Variants in DMD observed in about 807,000 individuals in gnomAD.
The protein encoded by DMD is mutant dystrophin.
DMD carries 63 observed loss-of-function variants against 330.1 expected under a neutral mutation model. The observed-to-expected ratio is 0.19, with a 90% CI of 0.16 to 0.24. The LOEUF is 0.24. Among genes scored for constraint, DMD ranks in the 10% least tolerant of loss-of-function variants. The probability of loss-of-function intolerance (pLI) is 1.00; values close to 1 mark genes in which losing one functional copy is unlikely to be tolerated. For missense variants in DMD, 3,344 were observed against 2,684.1 expected, an observed-to-expected ratio of 1.25 and a Z score of -5.43; for synonymous variants, 1,223 against 959.8, an observed-to-expected ratio of 1.27 and a Z score of -5.07.
intron 43 of DMD, among the ~76,000 whole-genome samples, chrX:32,242,286 G>A (rs973714962): frequency 9.0e-6 from 1 of 111,353 alleles, no homozygotes; most frequent in Non-Finnish European, 1.9e-5. Flanking sequence ...CAACCAACAA[G>A]GATCACTCTG....
chrX:32,612,067 T>C (rs890895434), intron 12 of DMD, among the ~76,000 whole-genome samples: 4 of 110,688 alleles, frequency 3.6e-5, no homozygotes, highest in Non-Finnish European at 5.7e-5. Context: ...AACAAATAAA[T>C]GGTTTATTTG....
intron 45 of DMD, among the ~76,000 whole-genome samples, chrX:31,938,991 A>T (rs939916863): frequency 9.0e-6 from 1 of 111,536 alleles, no homozygotes; most frequent in Non-Finnish European, 1.9e-5. Context: ...AGCCTCCAAA[A>T]TAAGCATAAA....
intron 1 of DMD, chrX:33,127,921 A>C: frequency 1.5e-6 from 1 of 651,065 alleles, no homozygotes; most frequent in Non-Finnish European, 2.1e-6. Context: ...AGTGATTTGC[A>C]TTATCCTATA....
intron 44 of DMD, among the ~76,000 whole-genome samples, chrX:32,173,066 G>GGTGTGTGT (rs3040089): frequency 0.04 from 3,608 of 89,552 alleles, 111 homozygotes; most frequent in African/African-American, 0.078. Flanking sequence ...ACCTGATTTT[G>GGTGTGTGT]GTGTGTGTGT....
chrX:32,005,370 G>A (rs1057122259), intron 44 of DMD, among the ~76,000 whole-genome samples: 27 of 110,739 alleles, frequency 2.4e-4, no homozygotes, highest in African/African-American at 8.5e-4. Flanking sequence ...AGACCACGCG[G>A]GCCAAAAGCT....
intron 7 of DMD, among the ~76,000 whole-genome samples, chrX:32,799,058 T>C: frequency 9.0e-6 from 1 of 111,662 alleles, no homozygotes; most frequent in East Asian, 2.8e-4. Flanking sequence ...AAATTCTATG[T>C]ATCTTTCCAT....
intron 41 of DMD, among the ~76,000 whole-genome samples, chrX:32,316,838 T>C (rs1315984873): frequency 1.8e-5 from 2 of 111,269 alleles, no homozygotes; most frequent in Non-Finnish European, 3.8e-5. Flanking sequence ...ATAGCATTCC[T>C]ATTGACACAG....
At chrX:33,039,664 C>T (rs1443285882) in intron 1 of DMD, among the ~76,000 whole-genome samples, 1 of 110,911 alleles carries the variant, frequency 9.0e-6, no homozygotes, top group Admixed American at 9.7e-5. Flanking sequence ...TCTACTACGG[C>T]CTTTCTCTAA....
At chrX:32,497,422 T>C (rs2043610311) in intron 19 of DMD, among the ~76,000 whole-genome samples, 1 of 111,987 alleles carries the variant, frequency 8.9e-6, no homozygotes, top group African/African-American at 3.2e-5. Flanking sequence ...GACTCTTAAT[T>C]AACACACAGA....
intron 44 of DMD, among the ~76,000 whole-genome samples, chrX:32,161,574 A>C (rs7883249): frequency 6.3e-5 from 7 of 111,413 alleles, no homozygotes; most frequent in Admixed American, 2.9e-4. Flanking sequence ...GCACTTAATA[A>C]ACTCTCAATA....
At chrX:31,374,945 T>C (rs1452155994) in intron 60 of DMD, among the ~76,000 whole-genome samples, 1 of 111,721 alleles carries the variant, frequency 9.0e-6, no homozygotes, top group Non-Finnish European at 1.9e-5. Context: ...TGCTGCCTTA[T>C]TGGCTGCTGG....
intron 13 of DMD, 33 bp from the exon 14 acceptor site, chrX:32,573,879 A>C (rs1251386931): frequency 8.9e-7 from 1 of 1,120,470 alleles, no homozygotes; most frequent in African/African-American, 1.8e-5. Context: ...CAGCATCAGC[A>C]AACAATTGGT....
chrX:31,320,725 A>T (rs952432638), intron 62 of DMD, among the ~76,000 whole-genome samples: 2 of 112,337 alleles, frequency 1.8e-5, no homozygotes, highest in African/African-American at 6.5e-5. Context: ...TTTTATAAAC[A>T]TGTATGTTTT....
chrX:32,889,074 G>C (rs2149249015), intron 2 of DMD, among the ~76,000 whole-genome samples: 1 of 110,706 alleles, frequency 9.0e-6, no homozygotes, highest in South Asian at 3.9e-4. Flanking sequence ...CACCACAACA[G>C]AGAAGGTTGG....
intron 51 of DMD, among the ~76,000 whole-genome samples, chrX:31,737,244 A>G (rs768786792): frequency 1.8e-5 from 2 of 112,407 alleles, no homozygotes; most frequent in Admixed American, 9.4e-5. Flanking sequence ...CAAGGTACTC[A>G]TGTCATAGTA....
At chrX:31,689,536 C>T (rs2082956396) in intron 52 of DMD, among the ~76,000 whole-genome samples, 1 of 111,488 alleles carries the variant, frequency 9.0e-6, no homozygotes, top group South Asian at 3.8e-4. Flanking sequence ...TGAAAATGGC[C>T]ATACTGCCCA....
chrX:31,174,399 T>G (rs1484153202), intron 71 of DMD, among the ~76,000 whole-genome samples: 1 of 111,734 alleles, frequency 8.9e-6, no homozygotes, highest in East Asian at 2.8e-4. Context: ...AGAATTCTGG[T>G]AGGGTTAACA....
chrX:31,529,221 C>CA (rs756790212), intron 55 of DMD, among the ~76,000 whole-genome samples: 1,737 of 89,980 alleles, frequency 0.019, 37 homozygotes, highest in East Asian at 0.13. Flanking sequence ...GACTCCATTT[C>CA]AAAAAAAAAA....
intron 1 of DMD, among the ~76,000 whole-genome samples, chrX:33,337,777 C>T (rs1029406236): frequency 8.9e-6 from 1 of 111,759 alleles, no homozygotes; most frequent in Non-Finnish European, 1.9e-5. Context: ...TTTTAACTCA[C>T]CCTTTCTAAG....
Sources: allele counts gnomAD v4.1 joint callset (sites outside exome capture counted in the v4.1 genomes callset), GRCh38; gene constraint gnomAD v4.1.1; transcripts MANE v1.5; gene names NCBI Gene and HGNC (gene_info 2026-07-23, HGNC 2026-07-21).